Variants in ADAMTS2 observed in about 807,000 individuals in gnomAD.
ADAMTS2 encodes the protein ADAM metallopeptidase with thrombospondin type 1 motif 2.
Under a neutral mutation model 123.0 loss-of-function variants are expected in ADAMTS2, and 50 were observed. That is an observed-to-expected ratio of 0.41 (90% CI 0.32 to 0.51). ADAMTS2 has a LOEUF of 0.51. ADAMTS2 is among the 20% of genes least tolerant of loss of function. The probability of loss-of-function intolerance (pLI) is 0.35; values close to 1 mark genes in which losing one functional copy is unlikely to be tolerated. For missense variants in ADAMTS2, 1,494 were observed against 1,705.2 expected, an observed-to-expected ratio of 0.88 and a Z score of 2.18; for synonymous variants, 678 against 695.4, an observed-to-expected ratio of 0.98 and a Z score of 0.39.
chr5:179,304,624 T>C (rs1756622930), intron 2 of ADAMTS2, among the ~76,000 whole-genome samples: 1 of 152,196 alleles, frequency 6.6e-6, no homozygotes, highest in South Asian at 2.1e-4. Context: ...GTCAGTGAAC[T>C]TGAGGATAGA....
At chr5:179,276,905 G>A (rs1454916719) in intron 2 of ADAMTS2, among the ~76,000 whole-genome samples, 2 of 152,160 alleles carry the variant, frequency 1.3e-5, no homozygotes, top group African/African-American at 4.8e-5. Context: ...AATGAGGCCA[G>A]GCTCAGCCTG....
rs536957589 is a variant in ADAMTS2, at chr5:179,236,277, G to T, written c.689-28562C>A. 2.7e-3 allele frequency among the ~76,000 whole-genome samples: 404 copies of T among 152,250 alleles called. 1 individual carries two copies. Among genetic ancestry groups the T allele is most frequent in the African/African-American group, 8.9e-3 (371 of 41,548 alleles). On this transcript the variant is annotated intron_variant, in intron 3 of 21. Coordinates refer to ENST00000251582, the MANE Select transcript of ADAMTS2 (RefSeq NM_014244.5). ...CCTCCCTCCTCTCTGAGCACACAAA[G>T]GGCAGGACTTGTCTTCAGGTGCTTG...
intron 3 of ADAMTS2, among the ~76,000 whole-genome samples, chr5:179,214,856 ATCTCC>A (rs1329664034): frequency 7.0e-6 from 1 of 142,784 alleles, no homozygotes; most frequent in African/African-American, 2.5e-5. Flanking sequence ...CCGTCAAATA[ATCTCC>A]GTCGAATAAT....
intron 3 of ADAMTS2, among the ~76,000 whole-genome samples, chr5:179,231,482 G>A (rs574154794): frequency 1.6e-4 from 25 of 152,280 alleles, no homozygotes; most frequent in African/African-American, 5.1e-4. Context: ...CTACCGCCTC[G>A]ATGTGCTGAT....
intron 5 of ADAMTS2, among the ~76,000 whole-genome samples, chr5:179,171,999 G>C (rs775488359): frequency 6.6e-6 from 1 of 152,148 alleles, no homozygotes; most frequent in East Asian, 1.9e-4. Context: ...CCTCGGGGCC[G>C]GGGGTAAGCT....
chr5:179,196,587 T>TTA (rs1356084869), intron 4 of ADAMTS2, among the ~76,000 whole-genome samples: 2 of 152,180 alleles, frequency 1.3e-5, no homozygotes, highest in Admixed American at 6.5e-5. Context: ...ATAAGGCTAG[T>TTA]GTGGGGGTGG....
Position 179,189,930 on chromosome 5 carries a change from A to G in ADAMTS2, c.892-8775T>C, listed in dbSNP as rs1445376878. 6.6e-6 allele frequency among the ~76,000 whole-genome samples: 1 copy of G among 152,044 alleles called. No individual in the cohort carries two copies. The highest frequency in any genetic ancestry group is 2.4e-5 in the African/African-American group (1 of 41,378). On this transcript the variant is annotated intron_variant, in intron 4 of 21. Coordinates refer to ENST00000251582, the MANE Select transcript of ADAMTS2 (RefSeq NM_014244.5). This position sits in a 1 kb window ranked among gnomAD's most constrained non-coding sequence, Gnocchi z 4.2. ...GGCGGGTGGCAATATCACAAAGTACATTACCCCAAGGGCGGAGAGGGTGTA... is the reference window on the plus strand; with the variant it reads ...GGCGGGTGGCAATATCACAAAGTACGTTACCCCAAGGGCGGAGAGGGTGTA...
Position 179,139,890 on chromosome 5 carries a change from T to G in ADAMTS2, c.1775A>C (p.His592Pro), listed in dbSNP as rs1344337803. 6.2e-7 allele frequency: 1 copy of G among 1,612,178 alleles called. No homozygotes were observed. Among genetic ancestry groups the G allele is most frequent in the Non-Finnish European group, 8.5e-7 (1 of 1,179,962 alleles). ...KFRTRQCDNP[H>P]PANGGRTCSG... ...CCAGGGGGACATGGGGCCAACTCAC[T>G]GTGGGTTGTCACACTGGCGGGTCCT... The change falls in exon 11 of 22, where the codon CAC (histidine) becomes CCC (proline). Residue 592 changes from histidine (H) to proline (P), a missense_variant and splice_region_variant. Coordinates refer to ENST00000251582, the MANE Select transcript of ADAMTS2 (RefSeq NM_014244.5).
chr5:179,308,352 G>A lies in ADAMTS2; in HGVS notation c.535-35288C>T, dbSNP rs527442985. On this transcript the variant is annotated intron_variant, in intron 2 of 21. Coordinates refer to ENST00000251582, the MANE Select transcript of ADAMTS2 (RefSeq NM_014244.5). The surrounding 1 kb of genome is among the most constrained non-coding windows in gnomAD (Gnocchi z 6.6). ...GCCTTGGGGATCCGTGGAGCTCAGC[G>A]GTGCCCAGAGAGAGCACTCGAAATG... Among the ~76,000 whole-genome samples the A allele has an allele frequency of 3.0e-4, 46 of 152,238 alleles. No individual in the cohort carries two copies. The highest frequency in any genetic ancestry group is 4.0e-4 in the Non-Finnish European group (27 of 68,016).
rs1440164765 is a variant in ADAMTS2, at chr5:179,308,765, C to A, written c.534+35002G>T. ...GGGCGCGGGCTGCCATGGAACCCCA[C>A]CCTCCTGCAGGTTCCTGGCCCCTCT... On this transcript the variant is annotated intron_variant, in intron 2 of 21. Transcript: ENST00000251582. This position sits in a 1 kb window ranked among gnomAD's most constrained non-coding sequence, Gnocchi z 6.6. 6.6e-6 allele frequency among the ~76,000 whole-genome samples: 1 copy of A among 152,154 alleles called. No individual in the cohort carries two copies. The highest frequency in any genetic ancestry group is 2.1e-4 in the South Asian group (1 of 4,834).
At chr5:179,176,959 G>A (rs1332721597) in intron 5 of ADAMTS2, among the ~76,000 whole-genome samples, 2 of 152,124 alleles carry the variant, frequency 1.3e-5, no homozygotes, top group Non-Finnish European at 2.9e-5. Context: ...TCAGGTGTGG[G>A]TGGAACGGTC....
intron 4 of ADAMTS2, among the ~76,000 whole-genome samples, chr5:179,190,335 T>A (rs1407520578): frequency 6.6e-6 from 1 of 152,070 alleles, no homozygotes; most frequent in African/African-American, 2.4e-5. Context: ...GATTTTGGGG[T>A]AACAGGTGAT....
chr5:179,232,705 G>A (rs914217082), intron 3 of ADAMTS2, among the ~76,000 whole-genome samples: 2 of 152,302 alleles, frequency 1.3e-5, no homozygotes, highest in Non-Finnish European at 2.9e-5. Context: ...GGATGAGGAT[G>A]AGTAGATCGG....
chr5:179,147,903 C>CT (rs1215717011), intron 10 of ADAMTS2, among the ~76,000 whole-genome samples: 1 of 152,180 alleles, frequency 6.6e-6, no homozygotes, highest in African/African-American at 2.4e-5. Flanking sequence ...GTTAAAATAT[C>CT]TTATTTTTGC....
chr5:179,341,318 T>G, intron 2 of ADAMTS2: 1 of 372,872 alleles, frequency 2.7e-6, no homozygotes, highest in Non-Finnish European at 5.3e-6. Context: ...GGTCGGGAGT[T>G]TGAGACCAGC....
At chr5:179,199,556 A>G (rs1415475887) in intron 4 of ADAMTS2, among the ~76,000 whole-genome samples, 3 of 152,186 alleles carry the variant, frequency 2.0e-5, no homozygotes, top group East Asian at 1.9e-4. Flanking sequence ...CGCCCTGGCC[A>G]GGGCACAGCC....
In ADAMTS2 at chr5:179,272,843, G is replaced by A; in HGVS notation, c.688+68C>T. ...TGTGGAGAGCTGCCTGAGTCTCTGG[G>A]ATGCTCCCCTGGGGACCAGGGCCTC... is the stretch of plus-strand genomic sequence containing the variant. On this transcript the variant is annotated intron_variant, in intron 3 of 21. Transcript: ENST00000251582. The surrounding 1 kb of genome is among the most constrained non-coding windows in gnomAD (Gnocchi z 5.8). 6.4e-7 allele frequency: 1 copy of A among 1,562,284 alleles called. No individual in the cohort carries two copies. Among genetic ancestry groups the A allele is most frequent in the East Asian group, 2.2e-5 (1 of 44,464 alleles).
At chr5:179,154,696 C>T (rs1763434600) in intron 7 of ADAMTS2, 118 bp downstream of exon 7, 1 of 837,526 alleles carries the variant, frequency 1.2e-6, no homozygotes, top group African/African-American at 1.7e-5. Context: ...GGAGACCACA[C>T]CCCAAGTGGC....
chr5:179,251,035 C>T (rs1465168251), intron 3 of ADAMTS2, among the ~76,000 whole-genome samples: 1 of 152,220 alleles, frequency 6.6e-6, no homozygotes, highest in Non-Finnish European at 1.5e-5. Flanking sequence ...CATGCATTTG[C>T]TCACTCCTCC....
Sources: gnomAD v4.1 joint callset for allele counts (sites outside exome capture counted in the v4.1 genomes callset) on GRCh38, gnomAD v4.1.1 for gene constraint, Gnocchi (gnomAD v3.1) non-coding constraint, MANE v1.5 for transcripts, NCBI Gene and HGNC (gene_info 2026-07-23, HGNC 2026-07-21) for gene names.